Variants in COBL observed in about 807,000 individuals in gnomAD.
COBL encodes cordon-bleu WH2 repeat protein.
A neutral mutation model predicts 98.8 loss-of-function variants in COBL; 51 were observed. That is an observed-to-expected ratio of 0.52 (90% CI 0.41 to 0.65). The LOEUF is 0.65. COBL is among the 30% of genes least tolerant of loss of function. The pLI is 0.00. For synonymous variants in COBL, 634 were observed against 651.7 expected (o/e 0.97, Z 0.41); for missense variants, 1,617 against 1,617.5 (o/e 1.00, Z 0.01).
chr7:51,198,122 C>T (rs1484433773), intron 2 of COBL, among the ~76,000 whole-genome samples: 1 of 151,942 alleles, frequency 6.6e-6, no homozygotes, highest in Non-Finnish European at 1.5e-5. Flanking sequence ...AGTCTGTGTA[C>T]TTTAGTGTTA....
chr7:51,198,616 C>A (rs1414915068), intron 2 of COBL, among the ~76,000 whole-genome samples: 1 of 152,194 alleles, frequency 6.6e-6, no homozygotes, highest in Non-Finnish European at 1.5e-5. Flanking sequence ...AGAAGTTGGG[C>A]ACAGGTTTTT....
chr7:51,172,876 C>G (rs1425948598), intron 5 of COBL, among the ~76,000 whole-genome samples: 1 of 152,114 alleles, frequency 6.6e-6, no homozygotes, highest in East Asian at 1.9e-4. Context: ...GCAATCTCCA[C>G]CTCCTGGGTT....
At chr7:51,070,054 T>C (rs1000878149) in intron 7 of COBL, among the ~76,000 whole-genome samples, 7 of 152,002 alleles carry the variant, frequency 4.6e-5, no homozygotes, top group Non-Finnish European at 7.4e-5. Context: ...ATTTTCTTAA[T>C]AAGAAGGAAA....
chr7:51,026,626 A>G lies in COBL; in HGVS notation c.3424T>C (p.Ser1142Pro). The G allele has an allele frequency of 3.1e-6, 5 of 1,614,114 alleles. No homozygotes were observed. Among genetic ancestry groups the G allele is most frequent in the Non-Finnish European group, 4.2e-6 (5 of 1,180,008 alleles). The change falls in exon 11 of 13, where the codon TCC becomes CCC. Residue 1142 changes from serine (S) to proline (P), a missense_variant. Ser to Pro is a moderately conservative substitution (Grantham distance 74). Transcript: ENST00000265136. ...HTGEGRPAKL[S>P]YTEAEGERSA... ...CGTTCGCCCTCTGCCTCCGTGTAGG[A>G]CAGTTTCGCTGGCCTGCCCTCCCCG...
In COBL at chr7:51,155,288, T is replaced by C. The variant is rs993665577; in HGVS notation, c.784-18957A>G. Among the ~76,000 whole-genome samples, 10 of 152,150 alleles carry C rather than the reference T, an allele frequency of 6.6e-5. No individual in the cohort carries two copies. In the South Asian group the frequency reaches 1.2e-3, roughly 19 times the overall value. Reference sequence around the variant, plus strand: ...GACAATAAAGAGTTTTACTTGGTAATAGAAAGACTGTACAGTTCCAGCCGG... The same window carrying C: ...GACAATAAAGAGTTTTACTTGGTAACAGAAAGACTGTACAGTTCCAGCCGG... On this transcript the variant is annotated intron_variant, in intron 5 of 12. Coordinates refer to ENST00000265136, the MANE Select transcript of COBL (RefSeq NM_015198.5).
chr7:51,193,584 G>A lies in COBL; in HGVS notation c.251C>T (p.Ala84Val), dbSNP rs149682754. The A allele has an allele frequency of 3.4e-5, 55 of 1,613,664 alleles. No homozygotes were observed. Among genetic ancestry groups the A allele is most frequent in the South Asian group, 4.4e-5 (4 of 91,026 alleles). The change falls in exon 3 of 13, where the codon GCG becomes GTG. Residue 84 changes from alanine to valine, a missense_variant. Transcript: ENST00000265136. The part of the protein sequence containing the change: ...EKRSVLNGSH[A>V]MMDLLVELCL... ...AAGTTCAACCAGTAGGTCCATCATCGCATGGCTGAAAAAAGGAAAACAAAT... is the reference window on the plus strand; with the variant it reads ...AAGTTCAACCAGTAGGTCCATCATCACATGGCTGAAAAAAGGAAAACAAAT...
At chr7:51,088,456 T>TA (rs2128945604) in intron 6 of COBL, among the ~76,000 whole-genome samples, 1 of 152,274 alleles carries the variant, frequency 6.6e-6, no homozygotes, top group Non-Finnish European at 1.5e-5. Flanking sequence ...TTATGTATTT[T>TA]AAAAATAGCA....
chr7:51,043,603 T>G lies in COBL; in HGVS notation c.1186A>C (p.Ser396Arg). 1 of 1,614,204 alleles carries G rather than the reference T, an allele frequency of 6.2e-7. No individual in the cohort carries two copies. The highest frequency in any genetic ancestry group is 1.6e-4 in the Middle Eastern group (1 of 6,062). Residue 396 changes from serine (S) to arginine (R), a missense_variant, in exon 8 of 13, where the codon AGC becomes CGC. Around this residue, in one of 3 missense-constraint regions of COBL, gnomAD observed 1,304 missense variants for 1,282.0 expected, o/e 1.02. Coordinates refer to ENST00000265136, the MANE Select transcript of COBL (RefSeq NM_015198.5). The part of the protein sequence containing the change: ...SEAEETVSVG[S>R]CFASEDTTED... ...GTCGTGTCCTCCGACGCAAAACAGC[T>G]GCCAACTGACACGGTCTCCTCCGCC...
intron 6 of COBL, among the ~76,000 whole-genome samples, chr7:51,094,643 G>C (rs998644687): frequency 6.6e-6 from 1 of 152,052 alleles, no homozygotes; most frequent in Non-Finnish European, 1.5e-5. Flanking sequence ...GAAAGGAAAG[G>C]ACACTAGTTA....
chr7:51,024,817 C>A (rs1333717978), intron 12 of COBL, among the ~76,000 whole-genome samples: 1 of 152,182 alleles, frequency 6.6e-6, no homozygotes, highest in Non-Finnish European at 1.5e-5. Context: ...TAGGGTGGAA[C>A]TGAGCTTGGG....
chr7:51,244,305 G>A (rs6593340), intron 1 of COBL, among the ~76,000 whole-genome samples: 44,873 of 152,096 alleles, frequency 0.3, 8,410 homozygotes, highest in East Asian at 0.67. Context: ...TGACTGTAGT[G>A]GGTATTTGCT....
intron 6 of COBL, among the ~76,000 whole-genome samples, chr7:51,099,083 G>A (rs1795572126): frequency 6.7e-6 from 1 of 149,648 alleles, no homozygotes; most frequent in African/African-American, 2.5e-5. Context: ...CACTAGGATG[G>A]CCACTATCAA....
chr7:51,170,427 C>T (rs9987060), intron 5 of COBL, among the ~76,000 whole-genome samples: 26 of 149,990 alleles, frequency 1.7e-4, no homozygotes, highest in African/African-American at 4.9e-4. Context: ...TCATGCTTTT[C>T]GGGGTTTTCC....
chr7:51,040,173 C>T (rs1021040802), intron 8 of COBL, among the ~76,000 whole-genome samples: 2 of 148,206 alleles, frequency 1.3e-5, no homozygotes, highest in Admixed American at 1.4e-4. Flanking sequence ...TCTAATTTGT[C>T]AGTTGAGATA....
chr7:51,153,167 A>T (rs1189055634), intron 5 of COBL, among the ~76,000 whole-genome samples: 1 of 152,236 alleles, frequency 6.6e-6, no homozygotes, highest in African/African-American at 2.4e-5. Flanking sequence ...TCCGGTGAGA[A>T]GCTCATAGCA....
rs139839217 is a variant in COBL at position 51,258,941 on chromosome 7, T to C, written c.42-38997A>G. ...TTCATCGCTCCCAGAAGGTCTCCCA[T>C]CTATTAGTACCAGCCTCCTCTGTCA... On this transcript the variant is annotated intron_variant, in intron 1 of 12. Coordinates refer to ENST00000265136, the MANE Select transcript of COBL (RefSeq NM_015198.5). 5.2e-3 allele frequency among the ~76,000 whole-genome samples: 788 copies of C among 152,210 alleles called. 3 individuals carry two copies. The highest frequency in any genetic ancestry group is 0.018 in the African/African-American group (763 of 41,524).
chr7:51,172,084 G>T (rs1282383150), intron 5 of COBL, among the ~76,000 whole-genome samples: 1 of 152,228 alleles, frequency 6.6e-6, no homozygotes, highest in Non-Finnish European at 1.5e-5. Flanking sequence ...AAGGCTCCGT[G>T]AACAGAGCGT....
intron 3 of COBL, among the ~76,000 whole-genome samples, 168 bp downstream of exon 3, chr7:51,193,211 T>A (rs1790281876): frequency 6.6e-6 from 1 of 152,256 alleles, no homozygotes; most frequent in South Asian, 2.1e-4. Context: ...GTGTACATTT[T>A]GTCTCCTAAA....
chr7:51,151,558 CT>C (rs1785559993), intron 5 of COBL, among the ~76,000 whole-genome samples: 1 of 152,180 alleles, frequency 6.6e-6, no homozygotes, highest in Admixed American at 6.5e-5. Context: ...AGATTTGAGC[CT>C]TGTTAACCAT....
Sources: gnomAD v4.1 joint callset for allele counts (sites outside exome capture counted in the v4.1 genomes callset) on GRCh38, gnomAD v4.1.1 for gene constraint, gnomAD v4.1.1 regional missense constraint, MANE v1.5 for transcripts, NCBI Gene and HGNC (gene_info 2026-07-23, HGNC 2026-07-21) for gene names.